INPP4B: variants seen among roughly 807,000 people sequenced by gnomAD.
INPP4B encodes inositol polyphosphate 4-phosphatase type II.
In INPP4B, 55 loss-of-function variants were observed where a neutral mutation model predicts 122.5. The observed-to-expected ratio is 0.45, with a 90% CI of 0.36 to 0.56. The LOEUF (loss-of-function observed/expected upper bound fraction) is 0.56. Among genes scored for constraint, INPP4B ranks in the 20% least tolerant of loss-of-function variants. The pLI is 0.00. For synonymous variants in INPP4B, 403 were observed against 388.7 expected, an observed-to-expected ratio of 1.04 and a Z score of -0.43; for missense variants, 1,000 against 1,097.7, an observed-to-expected ratio of 0.91 and a Z score of 1.26.
chr4:142,614,597 G>A (rs1002491463), intron 2 of INPP4B, among the ~76,000 whole-genome samples: 3 of 151,956 alleles, frequency 2.0e-5, no homozygotes, highest in South Asian at 4.2e-4. Flanking sequence ...AATCAACAGA[G>A]TAAACAGGCA....
At chr4:142,641,121 C>A (rs938415107) in intron 2 of INPP4B, among the ~76,000 whole-genome samples, 1 of 152,012 alleles carries the variant, frequency 6.6e-6, no homozygotes, top group Non-Finnish European at 1.5e-5. Flanking sequence ...GAGACATGCA[C>A]AAGAATGTTA....
At chr4:142,728,353 T>C (rs1390214140) in intron 1 of INPP4B, among the ~76,000 whole-genome samples, 2 of 152,206 alleles carry the variant, frequency 1.3e-5, no homozygotes, top group East Asian at 3.9e-4. Context: ...TAACAATCCC[T>C]AACTCCAGGT....
intron 1 of INPP4B, among the ~76,000 whole-genome samples, chr4:142,745,449 C>A (rs144938485): frequency 6.6e-6 from 1 of 151,890 alleles, no homozygotes; most frequent in Non-Finnish European, 1.5e-5. Context: ...GGAAAAAAAT[C>A]GCCTGACCAT....
intron 10 of INPP4B, among the ~76,000 whole-genome samples, chr4:142,267,556 C>A (rs533110401): frequency 1.3e-5 from 2 of 152,168 alleles, no homozygotes; most frequent in African/African-American, 4.8e-5. Flanking sequence ...CATGCTCATG[C>A]ACAAAAATCA....
intron 9 of INPP4B, among the ~76,000 whole-genome samples, chr4:142,272,335 T>C (rs1746259022): frequency 1.3e-5 from 2 of 152,220 alleles, no homozygotes; most frequent in African/African-American, 2.4e-5. Flanking sequence ...TTTTGAATTA[T>C]GTTTTTAAGA....
intron 2 of INPP4B, among the ~76,000 whole-genome samples, chr4:142,477,463 C>G (rs1819930681): frequency 7.2e-6 from 1 of 138,562 alleles, no homozygotes; most frequent in East Asian, 2.6e-4. Flanking sequence ...CTGAAGGAAA[C>G]TGGGATGAAA....
At chr4:142,541,114 C>A (rs1374209454) in intron 2 of INPP4B, among the ~76,000 whole-genome samples, 1 of 152,054 alleles carries the variant, frequency 6.6e-6, no homozygotes, top group Admixed American at 6.6e-5. Context: ...TAACAAGTAT[C>A]AATAACTAAT....
chr4:142,352,596 G>A (rs950034114), intron 7 of INPP4B, among the ~76,000 whole-genome samples: 1 of 151,596 alleles, frequency 6.6e-6, no homozygotes, highest in Admixed American at 6.6e-5. Flanking sequence ...AATATAATAG[G>A]ATCATACTTC....
At chr4:142,663,638 C>T (rs1199796519) in intron 2 of INPP4B, among the ~76,000 whole-genome samples, 1 of 151,824 alleles carries the variant, frequency 6.6e-6, no homozygotes, top group Non-Finnish European at 1.5e-5. Context: ...TGAAATATAT[C>T]CAAGCTGCTA....
At chr4:142,297,258 G>T (rs916306164) in intron 9 of INPP4B, among the ~76,000 whole-genome samples, 1 of 152,192 alleles carries the variant, frequency 6.6e-6, no homozygotes, top group Non-Finnish European at 1.5e-5. Context: ...AGTGATTAAA[G>T]CCAGAATTTA....
chr4:142,222,942 T>C lies in INPP4B; in HGVS notation c.837-13916A>G, dbSNP rs531197647. On this transcript the variant is annotated intron_variant, in intron 12 of 25. Transcript: ENST00000262992. Reference sequence around the variant, plus strand: ...ATACATTGTTTTACCATGTATATGGTTCTTTACATAAATGTTAGGCATGGT... The same window carrying C: ...ATACATTGTTTTACCATGTATATGGCTCTTTACATAAATGTTAGGCATGGT... Among the ~76,000 whole-genome samples, 6 of 152,324 alleles carry C rather than the reference T, an allele frequency of 3.9e-5. No individual in the cohort carries two copies. In the East Asian group the frequency reaches 1.2e-3, roughly 29 times the overall value.
At chr4:142,082,279 T>C in intron 24 of INPP4B, 94 bp from the exon 25 acceptor site, 1 of 1,063,766 alleles carries the variant, frequency 9.4e-7, no homozygotes, top group East Asian at 2.6e-5. Context: ...ACACATCAAA[T>C]ATAAATTTGG....
intron 1 of INPP4B, among the ~76,000 whole-genome samples, chr4:142,792,023 C>G (rs1427678418): frequency 6.6e-6 from 1 of 152,028 alleles, no homozygotes; most frequent in Admixed American, 6.6e-5. Flanking sequence ...TTAAATTTCC[C>G]AAGTAAATAA....
At chr4:142,791,755 A>G (rs1157935245) in intron 1 of INPP4B, among the ~76,000 whole-genome samples, 3 of 151,992 alleles carry the variant, frequency 2.0e-5, no homozygotes, top group African/African-American at 7.2e-5. Flanking sequence ...TTATTTCTAG[A>G]GCCACCACCC....
chr4:142,644,185 G>T lies in INPP4B; in HGVS notation c.-191+81654C>A, dbSNP rs893520643. Among the ~76,000 whole-genome samples, 9 of 149,712 alleles carry T rather than the reference G, an allele frequency of 6.0e-5. No homozygotes were observed. In the Admixed American group the frequency reaches 6.1e-4, roughly 10 times the overall value. The stretch of plus-strand genomic sequence containing the variant: ...CTGCACTCCAGCAGCATAGGTGACA[G>T]AGTGAGACTGTCTCAAAAAAAAAAT... On this transcript the variant is annotated intron_variant, in intron 2 of 25. Transcript: ENST00000262992.
At chr4:142,531,171 T>C (rs931442569) in intron 2 of INPP4B, among the ~76,000 whole-genome samples, 17 of 151,636 alleles carry the variant, frequency 1.1e-4, no homozygotes, top group East Asian at 1.9e-4. Flanking sequence ...GAAAATAAAG[T>C]CAATAGATAT....
intron 10 of INPP4B, among the ~76,000 whole-genome samples, chr4:142,269,740 T>C (rs1247949358): frequency 6.6e-6 from 1 of 152,160 alleles, no homozygotes; most frequent in Non-Finnish European, 1.5e-5. Context: ...ACAAAATAAG[T>C]ATGTGAGGCG....
chr4:142,838,544 A>G lies in INPP4B; in HGVS notation c.-254+7665T>C, dbSNP rs970435398. Among the ~76,000 whole-genome samples, 56 of 152,182 alleles carry G rather than the reference A, an allele frequency of 3.7e-4. 1 individual carries two copies. Among genetic ancestry groups the G allele is most frequent in the Non-Finnish European group, 1.0e-4 (7 of 68,022 alleles). On this transcript the variant is annotated intron_variant, in intron 1 of 25. Transcript: ENST00000262992. Reference sequence around the variant, plus strand: ...CTTTAAAACATACCGTATGAAAAAAATATTGCAGTAAATTTCAAAAAAAGT... The same window carrying G: ...CTTTAAAACATACCGTATGAAAAAAGTATTGCAGTAAATTTCAAAAAAAGT...
chr4:142,616,278 T>G (rs542994987), intron 2 of INPP4B, among the ~76,000 whole-genome samples: 4 of 152,156 alleles, frequency 2.6e-5, no homozygotes, highest in Non-Finnish European at 5.9e-5. Context: ...TTGATGAGAT[T>G]CCTAGAGAGG....
Sources: gnomAD v4.1 joint callset for allele counts (sites outside exome capture counted in the v4.1 genomes callset) on GRCh38, gnomAD v4.1.1 for gene constraint, MANE v1.5 for transcripts, NCBI Gene and HGNC (gene_info 2026-07-23, HGNC 2026-07-21) for gene names.